Variants in GNG2 observed in about 807,000 individuals in gnomAD.
GNG2 encodes the protein G protein subunit gamma 2, also known as guanine nucleotide-binding protein G(I)/G(S)/G(O) subunit gamma-2.
A neutral mutation model predicts 5.5 loss-of-function variants in GNG2; 5 were observed. The observed-to-expected ratio is 0.91, with a 90% CI of 0.48 to 1.92. The LOEUF (loss-of-function observed/expected upper bound fraction) is 1.92. Among genes scored for constraint, GNG2 ranks in the 30% most tolerant of loss-of-function variants. The pLI is 0.01. For synonymous variants in GNG2, 28 were observed against 32.0 expected, an observed-to-expected ratio of 0.88 and a Z score of 0.42; for missense variants, 55 against 88.4, an observed-to-expected ratio of 0.62 and a Z score of 1.52.
intron 2 of GNG2, among the ~76,000 whole-genome samples, chr14:51,949,272 T>C (rs1888830061): frequency 6.6e-6 from 1 of 151,030 alleles, no homozygotes; most frequent in African/African-American, 2.4e-5. Context: ...TATACCTAAT[T>C]TCTTCTTTTG....
chr14:51,896,986 G>C (rs1885234872), intron 2 of GNG2, among the ~76,000 whole-genome samples: 1 of 152,144 alleles, frequency 6.6e-6, no homozygotes, highest in South Asian at 2.1e-4. Context: ...AAATAATAAA[G>C]TGAGTAAAGG....
At chr14:51,910,354 T>C (rs1886219793) in intron 2 of GNG2, among the ~76,000 whole-genome samples, 1 of 152,034 alleles carries the variant, frequency 6.6e-6, no homozygotes, top group Admixed American at 6.5e-5. Flanking sequence ...GCCAATGTGG[T>C]CAGAGGGAGT....
chr14:51,895,890 T>C (rs772282543), intron 2 of GNG2, among the ~76,000 whole-genome samples: 2 of 152,204 alleles, frequency 1.3e-5, no homozygotes, highest in Non-Finnish European at 2.9e-5. Context: ...CTGCACATGC[T>C]CTCTTTGCCT....
intron 2 of GNG2, among the ~76,000 whole-genome samples, chr14:51,925,809 A>G (rs1449784575): frequency 6.6e-6 from 1 of 151,306 alleles, no homozygotes; most frequent in African/African-American, 2.4e-5. Flanking sequence ...TTTAGTAGAA[A>G]TGGGGTTTCA....
intron 2 of GNG2, among the ~76,000 whole-genome samples, chr14:51,924,718 C>T (rs547851737): frequency 6.6e-6 from 1 of 152,334 alleles, no homozygotes; most frequent in East Asian, 1.9e-4. Flanking sequence ...TACTATATTA[C>T]AGTTCTGAGC....
At chr14:51,910,884 C>T (rs1332943392) in intron 2 of GNG2, among the ~76,000 whole-genome samples, 1 of 152,240 alleles carries the variant, frequency 6.6e-6, no homozygotes, top group Non-Finnish European at 1.5e-5. Context: ...TAGAACAGCA[C>T]TTAATTGACA....
intron 2 of GNG2, among the ~76,000 whole-genome samples, chr14:51,897,538 A>T (rs535584658): frequency 0.013 from 1,972 of 152,352 alleles, 23 homozygotes; most frequent in Middle Eastern, 0.02. Flanking sequence ...TCTAGCAGTA[A>T]CTTCAAAAAA....
chr14:51,895,814 C>T (rs2140169288), intron 2 of GNG2, among the ~76,000 whole-genome samples: 1 of 152,250 alleles, frequency 6.6e-6, no homozygotes, highest in South Asian at 2.1e-4. Context: ...CGGGTCTTTC[C>T]TGTGCTGTTC....
intron 2 of GNG2, among the ~76,000 whole-genome samples, chr14:51,852,615 A>C (rs931541296): frequency 2.6e-5 from 4 of 152,244 alleles, no homozygotes; most frequent in African/African-American, 9.7e-5. Context: ...TTCGCTAAGG[A>C]ATCTTAATTA....
At chr14:51,829,860 T>TG (rs1475616147) in intron 2 of GNG2, among the ~76,000 whole-genome samples, 61 of 135,404 alleles carry the variant, frequency 4.5e-4, no homozygotes, top group African/African-American at 1.6e-3. Context: ...TTTTTTTTTT[T>TG]GAGACAGAGT....
chr14:51,862,095 T>C (rs1314925792), intron 1 of GNG2, among the ~76,000 whole-genome samples: 1 of 152,196 alleles, frequency 6.6e-6, no homozygotes, highest in Non-Finnish European at 1.5e-5. Flanking sequence ...TTAAGAGCTA[T>C]AGGGCTATTT....
At chr14:51,921,711 T>C (rs1286979319) in intron 2 of GNG2, among the ~76,000 whole-genome samples, 1 of 152,200 alleles carries the variant, frequency 6.6e-6, no homozygotes, top group African/African-American at 2.4e-5. Flanking sequence ...ATCAATGCCA[T>C]TACTTCAGAG....
intron 2 of GNG2, among the ~76,000 whole-genome samples, chr14:51,928,066 C>T (rs968538408): frequency 1.7e-4 from 23 of 137,456 alleles, no homozygotes; most frequent in East Asian, 6.1e-4. Context: ...AGTCTCGCTC[C>T]GTCATCCAGG....
At chr14:51,963,297 T>A (rs1889718173) in intron 3 of GNG2, among the ~76,000 whole-genome samples, 1 of 152,216 alleles carries the variant, frequency 6.6e-6, no homozygotes, top group African/African-American at 2.4e-5. Context: ...AGTATAGTAC[T>A]TCCTGTATCA....
In GNG2 at chr14:51,885,055, AAAG is replaced by A. The variant is rs765882114; in HGVS notation, c.-30+7402_-30+7404del. 3.9e-5 allele frequency among the ~76,000 whole-genome samples: 6 copies of A among 152,320 alleles called. No homozygotes were observed. The South Asian group carries it at 6.2e-4, about 16-fold the overall frequency. ...GCGGAGAGAGTCAGAGAGAGAAGGG[AAAG>A]AAGGAGAGAGCCCAGTCATAATTGG... On this transcript the variant is annotated intron_variant, in intron 2 of 3. Coordinates refer to ENST00000556766, the MANE Select transcript of GNG2 (RefSeq NM_053064.5).
intron 2 of GNG2, among the ~76,000 whole-genome samples, chr14:51,937,775 A>AT (rs1566699899): frequency 6.6e-6 from 1 of 152,182 alleles, no homozygotes; most frequent in African/African-American, 2.4e-5. Context: ...GGGAAATAAT[A>AT]TTTTTTAAAA....
chr14:51,898,252 CAG>C (rs1437113036), intron 2 of GNG2, among the ~76,000 whole-genome samples: 5 of 152,156 alleles, frequency 3.3e-5, no homozygotes, highest in Admixed American at 6.5e-5. Flanking sequence ...CAGGAAATGA[CAG>C]AGAATTATTT....
At chr14:51,836,535 T>C (rs1029515861) in intron 2 of GNG2, among the ~76,000 whole-genome samples, 3 of 152,198 alleles carry the variant, frequency 2.0e-5, no homozygotes, top group Non-Finnish European at 2.9e-5. Flanking sequence ...GAAGTTTTAT[T>C]GTTAATTTTT....
intron 2 of GNG2, among the ~76,000 whole-genome samples, chr14:51,931,750 T>C (rs1429864326): frequency 6.6e-6 from 1 of 152,176 alleles, no homozygotes; most frequent in Non-Finnish European, 1.5e-5. Context: ...CGTAAAATGG[T>C]TCAACTGCTT....
Sources: gnomAD v4.1 joint callset for allele counts (sites outside exome capture counted in the v4.1 genomes callset) on GRCh38, gnomAD v4.1.1 for gene constraint, MANE v1.5 for transcripts, NCBI Gene and HGNC (gene_info 2026-07-23, HGNC 2026-07-21) for gene names.